EVC2: variants seen among roughly 807,000 people sequenced by gnomAD.
EVC2 encodes limbin.
Under a neutral mutation model 149.3 loss-of-function variants are expected in EVC2, and 148 were observed. The observed-to-expected ratio is 0.99, with a 90% CI of 0.87 to 1.14. EVC2 has a LOEUF of 1.14. EVC2 is among the 50% of genes most tolerant of loss of function. The pLI is 0.00. For synonymous variants in EVC2, 776 were observed against 649.9 expected (o/e 1.19, Z -2.95); for missense variants, 1,854 against 1,627.3 (o/e 1.14, Z -2.40).
rs1003816966 is a variant in EVC2, at chr4:5,689,266, G to T, written c.597C>A (p.Asn199Lys). The T allele has an allele frequency of 1.9e-6, 3 of 1,614,226 alleles. No individual in the cohort carries two copies. The South Asian group carries it at 3.3e-5, about 18-fold the overall frequency. The change falls in exon 5 of 22, where the codon AAC becomes AAA. Residue 199 changes from asparagine to lysine, a missense_variant. Asn to Lys is a moderately conservative substitution (Grantham distance 94). Coordinates refer to ENST00000344408, the MANE Select transcript of EVC2 (RefSeq NM_147127.5). ...TGTCCAGCAAGAGCAGCTCCGAGAG[G>T]TTGGCTGACGAGGTTGTCTTGGTGT... ...VNNTKTTSSANLSELLLLDSI... is the reference protein window; with the variant it reads ...VNNTKTTSSAKLSELLLLDSI...
chr4:5,618,404 G>T lies in EVC2; in HGVS notation c.2706+74C>A. ...TGAGATGGGCTCAGGCTGGGGAAGA[G>T]GCCAGACCCTGTAGGGCCAGCAGCT... On this transcript the variant is annotated intron_variant, in intron 15 of 21. Transcript: ENST00000344408. The surrounding 1 kb of genome is among the most constrained non-coding windows in gnomAD (Gnocchi z 4.4). The T allele has an allele frequency of 6.4e-7, 1 of 1,570,420 alleles. No homozygotes were observed.
intron 19 of EVC2, among the ~76,000 whole-genome samples, chr4:5,570,375 G>T (rs972938077): frequency 1.3e-5 from 2 of 152,188 alleles, no homozygotes; most frequent in African/African-American, 4.8e-5. Flanking sequence ...TCCAGCTCCA[G>T]TGGTCCCTGA....
intron 17 of EVC2, among the ~76,000 whole-genome samples, chr4:5,577,707 G>A (rs1392580565): frequency 2.6e-5 from 4 of 152,122 alleles, no homozygotes; most frequent in Non-Finnish European, 4.4e-5. Flanking sequence ...ACCATCGCAC[G>A]GAGAACCTTC....
At chr4:5,629,965 ATAGCATG>A (rs1716409854) in intron 11 of EVC2, among the ~76,000 whole-genome samples, 1 of 152,242 alleles carries the variant, frequency 6.6e-6, no homozygotes, top group Non-Finnish European at 1.5e-5. Flanking sequence ...ATCATTCACA[ATAGCATG>A]CATTCTTTTT....
In EVC2 at chr4:5,708,431, C is replaced by T; in HGVS notation, c.83G>A (p.Arg28Gln). 5 of 1,504,252 alleles carry T rather than the reference C, an allele frequency of 3.3e-6. No individual in the cohort carries two copies. Among genetic ancestry groups the T allele is most frequent in the Non-Finnish European group, 3.5e-6 (4 of 1,134,032 alleles). The allele number at this position is 1,504,252 out of a possible 1,614,324, so 93.2% of individuals were successfully genotyped here. ...LLAVALALGGRGCLGASSRPR... is the reference protein window; with the variant it reads ...LLAVALALGGQGCLGASSRPR... ...ACGTGAGCTGGCGCCGAGACAGCCT[C>T]GGCCCCCCAGCGCCAGGGCCACTGC... Residue 28 changes from arginine to glutamine, a missense_variant, in exon 1 of 22, where the codon CGA becomes CAA. Coordinates refer to ENST00000344408, the MANE Select transcript of EVC2 (RefSeq NM_147127.5).
intron 3 of EVC2, 99 bp downstream of exon 3, chr4:5,694,232 GTTTT>G: frequency 8.1e-7 from 1 of 1,241,312 alleles, no homozygotes; most frequent in Middle Eastern, 2.8e-4. Flanking sequence ...GAGGAATAGG[GTTTT>G]TTTAAGCAAC....
chr4:5,566,932 G>A lies in EVC2; in HGVS notation c.3557+1512C>T, dbSNP rs186909491. Among the ~76,000 whole-genome samples the A allele has an allele frequency of 2.0e-5, 3 of 152,244 alleles. No homozygotes were observed. In the East Asian group the frequency reaches 5.8e-4, roughly 29 times the overall value. ...TGCACGCAGGCAGGCAGCACACTGG[G>A]AAAACCAGGCTGTGAAACCTGGTTT... On this transcript the variant is annotated intron_variant, in intron 20 of 21. Coordinates refer to ENST00000344408, the MANE Select transcript of EVC2 (RefSeq NM_147127.5).
At chr4:5,541,990 G>A (rs11943213), downstream of EVC2, among the ~76,000 whole-genome samples, 6,410 of 152,160 alleles carry the variant, frequency 0.042, 279 homozygotes, top group African/African-American at 0.11. Flanking sequence ...ATTTTGGTAG[G>A]TGGTTAGATC....
At chr4:5,545,227 G>C (rs1352093149) in intron 21 of EVC2, among the ~76,000 whole-genome samples, 1 of 152,130 alleles carries the variant, frequency 6.6e-6, no homozygotes, top group African/African-American at 2.4e-5. Context: ...AACATTTACT[G>C]AATATCTACT....
At chr4:5,652,608 A>G (rs1718226001) in intron 9 of EVC2, among the ~76,000 whole-genome samples, 1 of 152,164 alleles carries the variant, frequency 6.6e-6, no homozygotes, top group Admixed American at 6.5e-5. Context: ...CCAGCCGGCA[A>G]GGGCTTGGAG....
At chr4:5,627,816 T>G (rs1462270092) in intron 12 of EVC2, among the ~76,000 whole-genome samples, 1 of 152,180 alleles carries the variant, frequency 6.6e-6, no homozygotes, top group Non-Finnish European at 1.5e-5. Context: ...CAAAGGTGAA[T>G]GCGAGAGCCG....
At chr4:5,703,968 G>C (rs1449183219) in intron 1 of EVC2, among the ~76,000 whole-genome samples, 3 of 152,156 alleles carry the variant, frequency 2.0e-5, no homozygotes, top group African/African-American at 7.2e-5. Context: ...AAAGACCCGT[G>C]CAAGGGCCCT....
intron 1 of EVC2, among the ~76,000 whole-genome samples, chr4:5,699,464 C>T (rs746699545): frequency 6.6e-6 from 1 of 152,042 alleles, no homozygotes; most frequent in Non-Finnish European, 1.5e-5. Flanking sequence ...AACTGAAAGC[C>T]AGGTCTTGAA....
chr4:5,666,248 A>G (rs550077323), intron 7 of EVC2, among the ~76,000 whole-genome samples: 10 of 139,862 alleles, frequency 7.1e-5, no homozygotes, highest in African/African-American at 2.5e-4. Context: ...TTCTGCAACC[A>G]GAATTCAATC....
At position 5,625,019 on chromosome 4, in the gene EVC2, G is replaced by C. The variant is rs1016682669; in HGVS notation, c.2046+730C>G. 2.0e-5 allele frequency among the ~76,000 whole-genome samples: 3 copies of C among 151,938 alleles called. No individual in the cohort carries two copies. Among genetic ancestry groups the C allele is most frequent in the African/African-American group, 7.3e-5 (3 of 41,376 alleles). ...CGGCCAAGTACCAGAGCCTCCCATG[G>C]GGTTTGTATTCCCAGGTTCCTCAAC... On this transcript the variant is annotated intron_variant, in intron 13 of 21. Transcript: ENST00000344408. This position sits in a 1 kb window ranked among gnomAD's most constrained non-coding sequence, Gnocchi z 4.0.
chr4:5,667,771 G>T (rs1006442179), intron 7 of EVC2, among the ~76,000 whole-genome samples: 3 of 152,190 alleles, frequency 2.0e-5, no homozygotes, highest in East Asian at 1.9e-4. Context: ...AGTGTCCAGG[G>T]TTTTTATTCG....
the EVC2 span, among the ~76,000 whole-genome samples, chr4:5,533,849 A>G: frequency 6.6e-6 from 1 of 152,226 alleles, no homozygotes; most frequent in African/African-American, 2.4e-5. Flanking sequence ...CAGCCAAGGA[A>G]ATACACAGAG....
In EVC2 at chr4:5,666,958, T is replaced by C. The variant is rs535357387; in HGVS notation, c.871-1309A>G. On this transcript the variant is annotated intron_variant, in intron 7 of 21. Coordinates refer to ENST00000344408, the MANE Select transcript of EVC2 (RefSeq NM_147127.5). ...CTAAAATAACTTTCCCTCAAGATGTTGATGGTGCCATTCTACTGTCTTCTG... is the reference window on the plus strand; with the variant it reads ...CTAAAATAACTTTCCCTCAAGATGTCGATGGTGCCATTCTACTGTCTTCTG... 1.8e-4 allele frequency among the ~76,000 whole-genome samples: 28 copies of C among 152,328 alleles called. No individual in the cohort carries two copies. The South Asian group carries it at 5.4e-3, about 29-fold the overall frequency.
At chr4:5,641,895 G>A (rs1717356266) in intron 9 of EVC2, among the ~76,000 whole-genome samples, 1 of 152,120 alleles carries the variant, frequency 6.6e-6, no homozygotes, top group Non-Finnish European at 1.5e-5. Context: ...TAGGTTTTAA[G>A]CTCCTCAGGC....
Sources: allele counts gnomAD v4.1 joint callset (sites outside exome capture counted in the v4.1 genomes callset), GRCh38; gene constraint gnomAD v4.1.1; non-coding constraint Gnocchi (gnomAD v3.1); transcripts MANE v1.5; gene names NCBI Gene and HGNC (gene_info 2026-07-23, HGNC 2026-07-21).